Variants in ACAP2 observed in about 807,000 individuals in gnomAD.
The protein encoded by ACAP2 is ArfGAP with coiled-coil, ankyrin repeat and PH domains 2.
A neutral mutation model predicts 115.8 loss-of-function variants in ACAP2; 39 were observed. That is an observed-to-expected ratio of 0.34 (90% CI 0.26 to 0.44). The LOEUF (loss-of-function observed/expected upper bound fraction) is 0.44. Ranked by LOEUF, ACAP2 falls within the 20% of genes least tolerant of loss-of-function variation. The probability of loss-of-function intolerance (pLI) is 1.00; values close to 1 mark genes in which losing one functional copy is unlikely to be tolerated. For missense variants in ACAP2, 662 were observed against 927.6 expected (o/e 0.71, Z 3.72); for synonymous variants, 289 against 315.8 (o/e 0.92, Z 0.90).
intron 4 of ACAP2, among the ~76,000 whole-genome samples, chr3:195,354,498 T>G (rs1263015633): frequency 6.6e-6 from 1 of 152,212 alleles, no homozygotes; most frequent in Non-Finnish European, 1.5e-5. Context: ...AAATGTCTGT[T>G]CATGTCCTTT....
At position 195,277,252 on chromosome 3, in the gene ACAP2, T is replaced by G. The variant is rs914443130; in HGVS notation, c.*2076A>C. The G allele has an allele frequency of 2.0e-5, 3 of 152,240 alleles. No individual in the cohort carries two copies. Among genetic ancestry groups the G allele is most frequent in the African/African-American group, 7.2e-5 (3 of 41,466 alleles). The allele number at this position is 152,240 out of a possible 1,614,324, so 9.4% of individuals were successfully genotyped here. ...GGTTTTTTCTTTTTCTTTAACGTAC[T>G]TCTTTTCTTTGAGCTTCTTGGTCAA... On this transcript the variant is annotated 3_prime_UTR_variant, in exon 23 of 23. Transcript: ENST00000326793.
chr3:195,291,361 T>C (rs1727242206), intron 20 of ACAP2, among the ~76,000 whole-genome samples: 1 of 152,232 alleles, frequency 6.6e-6, no homozygotes, highest in South Asian at 2.1e-4. Flanking sequence ...GTGCATGCTA[T>C]GGAAATAATG....
At chr3:195,417,453 CA>C (rs1713826314) in intron 1 of ACAP2, among the ~76,000 whole-genome samples, 1 of 152,136 alleles carries the variant, frequency 6.6e-6, no homozygotes, top group Non-Finnish European at 1.5e-5. Flanking sequence ...CAAGCAATCA[CA>C]ATGTCCTATT....
chr3:195,279,605 A>T, intron 22 of ACAP2, 177 bp from the exon 23 acceptor site: 3 of 321,184 alleles, frequency 9.3e-6, no homozygotes, highest in Non-Finnish European at 1.7e-5. Flanking sequence ...GCAATGAAAG[A>T]AAAAAAAAAA....
chr3:195,297,146 T>C (rs904783401), intron 16 of ACAP2, 44 bp downstream of exon 16: 8 of 1,513,456 alleles, frequency 5.3e-6, no homozygotes, highest in African/African-American at 4.2e-5. Context: ...AATAAAATCA[T>C]AGCTATATTC....
At chr3:195,391,229 T>TTC (rs1734652614) in intron 2 of ACAP2, among the ~76,000 whole-genome samples, 1 of 102,826 alleles carries the variant, frequency 9.7e-6, no homozygotes, top group South Asian at 2.7e-4. Flanking sequence ...CTTCTCTTTC[T>TTC]TTTTTTTTTT....
intron 7 of ACAP2, chr3:195,336,647 G>C (rs1390701373): frequency 7.3e-6 from 2 of 275,286 alleles, no homozygotes; most frequent in East Asian, 1.6e-4. Context: ...TGGGCATCTA[G>C]TGCATGTAAA....
intron 10 of ACAP2, chr3:195,313,069 G>A (rs1728867850): frequency 6.6e-6 from 1 of 152,182 alleles, no homozygotes; most frequent in African/African-American, 2.4e-5. Context: ...AGCATGATAC[G>A]AAAATAAAGC....
At chr3:195,426,901 G>A (rs1011701450) in intron 1 of ACAP2, among the ~76,000 whole-genome samples, 2 of 152,126 alleles carry the variant, frequency 1.3e-5, no homozygotes, top group Admixed American at 6.6e-5. Flanking sequence ...GAGCCAGGGG[G>A]TGGACTGTGG....
intron 13 of ACAP2, among the ~76,000 whole-genome samples, chr3:195,303,550 G>A (rs1400129432): frequency 2.6e-5 from 4 of 151,594 alleles, no homozygotes; most frequent in South Asian, 2.1e-4. Context: ...TCATGACACC[G>A]TACTCCAGCC....
chr3:195,370,273 T>C lies in ACAP2; in HGVS notation c.285+10736A>G, dbSNP rs900344059. 7.9e-5 allele frequency among the ~76,000 whole-genome samples: 12 copies of C among 152,352 alleles called. No individual in the cohort carries two copies. In the East Asian group the frequency reaches 1.9e-3, roughly 24 times the overall value. ...AGGTCCCAATTGTCAATTTTTGCTT[T>C]TGTTGCAATTGCTTTTGGCATCTTT... On this transcript the variant is annotated intron_variant, in intron 4 of 22. Transcript: ENST00000326793.
At chr3:195,394,847 G>C (rs1231838257) in intron 1 of ACAP2, among the ~76,000 whole-genome samples, 3 of 151,856 alleles carry the variant, frequency 2.0e-5, no homozygotes, top group Admixed American at 2.0e-4. Context: ...TAACCCAGGA[G>C]TTTCAAGTTA....
At chr3:195,351,394 G>T (rs1045358845) in intron 4 of ACAP2, among the ~76,000 whole-genome samples, 4 of 151,744 alleles carry the variant, frequency 2.6e-5, no homozygotes, top group Non-Finnish European at 4.4e-5. Flanking sequence ...TGGGATTACA[G>T]GCGTGAGTCA....
chr3:195,424,283 ATTTTTTTTTTTTTTTTTTT>A lies in ACAP2; in HGVS notation c.53+18493_53+18511del, dbSNP rs1162275706. Among the ~76,000 whole-genome samples, 193 of 54,140 alleles carry A rather than the reference ATTTTTTTTTTTTTTTTTTT, an allele frequency of 3.6e-3. 3 individuals are homozygous for A. The Middle Eastern group carries it at 0.088, about 25-fold the overall frequency. The allele number at this position is 54,140 out of a possible 152,430, so 35.5% of individuals were successfully genotyped here. A position where few individuals can be genotyped will look rare whatever the true frequency, so the allele number is the denominator to read the frequency against. ...TGTGTATATATATATATATATATAT[ATTTTTTTTTTTTTTTTTTT>A]TTTTTTTTTTGAAACAGAGTCTCGC... On this transcript the variant is annotated intron_variant, in intron 1 of 22. Coordinates refer to ENST00000326793, the MANE Select transcript of ACAP2 (RefSeq NM_012287.6).
chr3:195,402,799 T>G (rs1480986213), intron 1 of ACAP2, among the ~76,000 whole-genome samples: 3 of 152,238 alleles, frequency 2.0e-5, no homozygotes, highest in Non-Finnish European at 4.4e-5. Flanking sequence ...AACTTAAAAT[T>G]TGTTTTTTAA....
chr3:195,376,032 A>C (rs1425757105), intron 4 of ACAP2, among the ~76,000 whole-genome samples: 2 of 152,196 alleles, frequency 1.3e-5, no homozygotes, highest in Admixed American at 6.5e-5. Flanking sequence ...ACCAATTCTA[A>C]TATCTAGTAG....
chr3:195,294,633 T>TATATATATATATATAAAA (rs1560209956), intron 18 of ACAP2, 86 bp downstream of exon 18: 1 of 208,692 alleles, frequency 4.8e-6, no homozygotes, highest in East Asian at 1.4e-4. Flanking sequence ...ATATATATAA[T>TATATATATATATATAAAA]TTTTTTTTTA....
At chr3:195,420,312 A>G (rs182670033) in intron 1 of ACAP2, among the ~76,000 whole-genome samples, 7 of 152,072 alleles carry the variant, frequency 4.6e-5, no homozygotes, top group African/African-American at 1.2e-4. Context: ...TTTTTGAATT[A>G]TTTTATTCAT....
intron 16 of ACAP2, among the ~76,000 whole-genome samples, chr3:195,296,583 G>A (rs1201916592): frequency 6.6e-6 from 1 of 152,154 alleles, no homozygotes; most frequent in Non-Finnish European, 1.5e-5. Flanking sequence ...GGTCATACAT[G>A]AAGACTCAGA....
Sources: gnomAD v4.1 joint callset for allele counts (sites outside exome capture counted in the v4.1 genomes callset) on GRCh38, gnomAD v4.1.1 for gene constraint, MANE v1.5 for transcripts, NCBI Gene and HGNC (gene_info 2026-07-23, HGNC 2026-07-21) for gene names.